Variants in WWOX observed in about 807,000 individuals in gnomAD.
The protein encoded by WWOX is WW domain containing oxidoreductase.
WWOX carries 69 observed loss-of-function variants against 46.2 expected under a neutral mutation model. That is an observed-to-expected ratio of 1.49 (90% CI 1.23 to 1.82). The LOEUF is 1.82. Ranked by LOEUF, WWOX falls within the 40% of genes most tolerant of loss-of-function variation. The pLI is 0.00. For missense variants in WWOX, 919 were observed against 542.6 expected (o/e 1.69, Z -6.89); for synonymous variants, 359 against 202.6 (o/e 1.77, Z -6.56).
rs1207314651 is a variant in WWOX, at chr16:79,188,855, AG to A, written c.1057-22751del. Among the ~76,000 whole-genome samples, 12 of 152,312 alleles carry A rather than the reference AG, an allele frequency of 7.9e-5. No homozygotes were observed. The East Asian group carries it at 2.3e-3, about 29-fold the overall frequency. On this transcript the variant is annotated intron_variant, in intron 8 of 8. Coordinates refer to ENST00000566780, the MANE Select transcript of WWOX (RefSeq NM_016373.4). Reference sequence around the variant, plus strand: ...CTCACCTTGCATTTCTGTGGCGCCAAGGTAAGCTGAAGGCATTAGTATTCAC... The same window carrying A: ...CTCACCTTGCATTTCTGTGGCGCCAAGTAAGCTGAAGGCATTAGTATTCAC...
intron 8 of WWOX, among the ~76,000 whole-genome samples, chr16:78,608,124 A>T (rs74029589): frequency 0.029 from 4,441 of 152,270 alleles, 200 homozygotes; most frequent in African/African-American, 0.1. Flanking sequence ...TCCAAGCCTG[A>T]GAGTGCCTGA....
intron 8 of WWOX, among the ~76,000 whole-genome samples, chr16:79,121,049 G>A (rs540381741): frequency 2.4e-4 from 37 of 152,282 alleles, no homozygotes; most frequent in African/African-American, 6.3e-4. Context: ...GATTACAGGC[G>A]TGAGTCACCA....
chr16:79,111,603 AT>A (rs1433962362), intron 8 of WWOX, among the ~76,000 whole-genome samples: 1 of 152,230 alleles, frequency 6.6e-6, no homozygotes, highest in East Asian at 1.9e-4. Context: ...AAAAATAAAA[AT>A]AGAAAAGAGC....
chr16:78,412,917 C>T (rs996329365), intron 6 of WWOX, among the ~76,000 whole-genome samples: 1 of 152,102 alleles, frequency 6.6e-6, no homozygotes, highest in Non-Finnish European at 1.5e-5. Context: ...TTTTTCTCTT[C>T]CCAGCCCTTG....
chr16:78,905,851 C>T (rs550609468), intron 8 of WWOX, among the ~76,000 whole-genome samples: 3 of 152,316 alleles, frequency 2.0e-5, no homozygotes, highest in South Asian at 2.1e-4. Flanking sequence ...GCATCAAACA[C>T]GTTTCCACCC....
Position 78,278,472 on chromosome 16 carries a change from A to C in WWOX, c.517-108388A>C, listed in dbSNP as rs2079617856. Reference sequence around the variant, plus strand: ...CAATTAAATAGGAGGTGTTGGAAGAAGGTTTTATTTAACCAGCTTGAATTT... The same window carrying C: ...CAATTAAATAGGAGGTGTTGGAAGACGGTTTTATTTAACCAGCTTGAATTT... On this transcript the variant is annotated intron_variant, in intron 5 of 8. Transcript: ENST00000566780. 5.9e-6 allele frequency: 5 copies of C among 853,784 alleles called. No homozygotes were observed. The South Asian group carries it at 6.8e-5, about 12-fold the overall frequency. 52.9% of individuals were successfully genotyped at this position (853,784 alleles called of 1,614,324 possible). A position where few individuals can be genotyped will look rare whatever the true frequency, so the allele number is the denominator to read the frequency against.
rs943518118 is a variant in WWOX, at chr16:78,580,075, A to T, written c.1056+147323A>T. The stretch of plus-strand genomic sequence containing the variant: ...TTTGCTGTTTTCTTTGACAGAGGAA[A>T]TTTTTTTTTTTTTTTTGAGACCGAG... On this transcript the variant is annotated intron_variant, in intron 8 of 8. Transcript: ENST00000566780. 4.6e-3 allele frequency among the ~76,000 whole-genome samples: 664 copies of T among 143,778 alleles called. 8 individuals carry two copies. Among genetic ancestry groups the T allele is most frequent in the African/African-American group, 0.016 (635 of 39,168 alleles). The allele number at this position is 143,778 out of a possible 152,430, so 94.3% of individuals were successfully genotyped here. A position where few individuals can be genotyped will look rare whatever the true frequency, so the allele number is the denominator to read the frequency against.
At chr16:78,809,863 C>T (rs2051141863) in intron 8 of WWOX, among the ~76,000 whole-genome samples, 1 of 152,086 alleles carries the variant, frequency 6.6e-6, no homozygotes, top group Non-Finnish European at 1.5e-5. Context: ...TATGGCAGAT[C>T]AGTTGCATGT....
intron 5 of WWOX, among the ~76,000 whole-genome samples, chr16:78,376,379 G>C (rs190447488): frequency 1.3e-5 from 2 of 152,300 alleles, no homozygotes; most frequent in Admixed American, 1.3e-4. Flanking sequence ...TACATGGGTA[G>C]AAAATATACT....
At chr16:78,880,686 T>G (rs954806415) in intron 8 of WWOX, among the ~76,000 whole-genome samples, 1 of 152,238 alleles carries the variant, frequency 6.6e-6, no homozygotes, top group African/African-American at 2.4e-5. Context: ...GATGTACTCT[T>G]GCTGGCGGTC....
chr16:78,586,551 T>C (rs1382619380), intron 8 of WWOX, among the ~76,000 whole-genome samples: 2 of 152,238 alleles, frequency 1.3e-5, no homozygotes, highest in East Asian at 3.9e-4. Context: ...TGCAATACGC[T>C]TGTTATCTCC....
At chr16:78,866,412 T>C (rs1444339037) in intron 8 of WWOX, among the ~76,000 whole-genome samples, 4 of 151,124 alleles carry the variant, frequency 2.6e-5, no homozygotes, top group African/African-American at 2.4e-5. Context: ...AAGAAATCAT[T>C]GAGACTGATC....
At chr16:78,675,805 C>G (rs901771673) in intron 8 of WWOX, among the ~76,000 whole-genome samples, 17 of 152,052 alleles carry the variant, frequency 1.1e-4, no homozygotes, top group Admixed American at 2.0e-4. Flanking sequence ...GAGACCTTGT[C>G]TGTACTAAAA....
At chr16:79,126,860 C>T (rs1400139554) in intron 8 of WWOX, among the ~76,000 whole-genome samples, 1 of 152,056 alleles carries the variant, frequency 6.6e-6, no homozygotes, top group African/African-American at 2.4e-5. Context: ...GGAAATTGTG[C>T]TCAAAGCTGA....
intron 8 of WWOX, among the ~76,000 whole-genome samples, chr16:79,012,043 G>A (rs547214460): frequency 6.6e-6 from 1 of 152,262 alleles, no homozygotes; most frequent in South Asian, 2.1e-4. Flanking sequence ...TGGCTACTGT[G>A]TTGAGAATAA....
At chr16:79,186,034 G>C (rs1043596251) in intron 8 of WWOX, among the ~76,000 whole-genome samples, 1 of 151,966 alleles carries the variant, frequency 6.6e-6, no homozygotes, top group African/African-American at 2.4e-5. Flanking sequence ...AGAATTTTCT[G>C]AAGTCTTTTT....
intron 8 of WWOX, among the ~76,000 whole-genome samples, chr16:79,181,989 A>G (rs2050921468): frequency 6.6e-6 from 1 of 152,166 alleles, no homozygotes; most frequent in Admixed American, 6.5e-5. Context: ...GAACCTTCTG[A>G]CAATCCCGGG....
chr16:78,645,060 G>C (rs1171532704), intron 8 of WWOX, among the ~76,000 whole-genome samples: 7 of 152,172 alleles, frequency 4.6e-5, no homozygotes. Flanking sequence ...GCATTGCATA[G>C]TTAAAGTTCT....
At chr16:78,917,750 A>G (rs1055525240) in intron 8 of WWOX, among the ~76,000 whole-genome samples, 2 of 152,022 alleles carry the variant, frequency 1.3e-5, no homozygotes, top group East Asian at 1.9e-4. Context: ...CAAACACCAT[A>G]TGTCATAAGG....
Sources: allele counts gnomAD v4.1 joint callset (sites outside exome capture counted in the v4.1 genomes callset), GRCh38; gene constraint gnomAD v4.1.1; transcripts MANE v1.5; gene names NCBI Gene and HGNC (gene_info 2026-07-23, HGNC 2026-07-21).